The following ITGB5 variants were observed in gnomAD, a reference collection of about 807,000 sequenced individuals.
ITGB5 encodes the protein integrin subunit beta 5, also known as integrin beta-5.
ITGB5 carries 38 observed loss-of-function variants against 84.8 expected under a neutral mutation model. The observed-to-expected ratio is 0.45, with a 90% CI of 0.35 to 0.59. The LOEUF is 0.59. Ranked by LOEUF, ITGB5 falls within the 20% of genes least tolerant of loss-of-function variation. The probability of loss-of-function intolerance (pLI) is 0.01; values close to 1 mark genes in which losing one functional copy is unlikely to be tolerated. For synonymous variants in ITGB5, 393 were observed against 414.4 expected, an observed-to-expected ratio of 0.95 and a Z score of 0.63; for missense variants, 905 against 1,034.5, an observed-to-expected ratio of 0.87 and a Z score of 1.72.
intron 9 of ITGB5, among the ~76,000 whole-genome samples, chr3:124,806,371 T>C (rs1393677154): frequency 6.6e-6 from 1 of 151,756 alleles, no homozygotes; most frequent in Non-Finnish European, 1.5e-5. Context: ...CCCACAGATC[T>C]ATAGAATTCA....
intron 6 of ITGB5, 68 bp downstream of exon 6, chr3:124,821,245 G>A (rs1290232759): frequency 6.6e-7 from 1 of 1,524,918 alleles, no homozygotes; most frequent in Admixed American, 2.0e-5. Context: ...GGCTGGGCAA[G>A]TACTAAGACC....
intron 1 of ITGB5, among the ~76,000 whole-genome samples, chr3:124,876,062 T>C (rs1443641938): frequency 6.6e-6 from 1 of 152,218 alleles, no homozygotes. Context: ...GAATAAGTTC[T>C]GGAGATCTAT....
intron 2 of ITGB5, among the ~76,000 whole-genome samples, chr3:124,871,584 G>C (rs1934054546): frequency 6.6e-6 from 1 of 152,174 alleles, no homozygotes; most frequent in Admixed American, 6.5e-5. Context: ...CCAGCACTTT[G>C]GGAGGCCAAG....
In ITGB5 at chr3:124,773,813, T is replaced by C; in HGVS notation, c.1793A>G (p.Asp598Gly). 2 of 1,614,044 alleles carry C rather than the reference T, an allele frequency of 1.2e-6. No individual in the cohort carries two copies. The highest frequency in any genetic ancestry group is 2.2e-5 in the South Asian group (2 of 91,080). ...CCCACGCTCGCTGCAGATCTGGCCA[T>C]CTCTGCCCCGGCATGTGCTGATGTC... ...STDISTCRGR[D>G]GQICSERGHC... Residue 598 changes from aspartate to glycine, a missense_variant, in exon 11 of 15, where the codon GAT (aspartate) becomes GGT (glycine). Around this residue, in one of 3 missense-constraint regions of ITGB5, gnomAD observed 116 missense variants for 177.0 expected, o/e 0.66. Coordinates refer to ENST00000296181, the MANE Select transcript of ITGB5 (RefSeq NM_002213.5).
At chr3:124,809,641 C>T (rs6798233) in intron 8 of ITGB5, among the ~76,000 whole-genome samples, 13,355 of 152,028 alleles carry the variant, frequency 0.088, 1,256 homozygotes, top group African/African-American at 0.23. Flanking sequence ...TCAGCAGGCA[C>T]TTTCTCCAGG....
intron 1 of ITGB5, among the ~76,000 whole-genome samples, chr3:124,895,776 T>G (rs559692135): frequency 6.6e-6 from 1 of 152,290 alleles, no homozygotes; most frequent in South Asian, 2.1e-4. Context: ...GCCCCTTTTG[T>G]AGAATACGGC....
At chr3:124,874,251 T>G (rs1298933855) in intron 1 of ITGB5, among the ~76,000 whole-genome samples, 1 of 138,410 alleles carries the variant, frequency 7.2e-6, no homozygotes, top group Non-Finnish European at 1.5e-5. Context: ...TGAGCCATGA[T>G]CGTACCACTG....
At position 124,764,392 on chromosome 3, in the gene ITGB5, AT is replaced by A; in HGVS notation, c.2302del (p.Met768TrpfsTer64). 6.2e-7 allele frequency: 1 copy of A among 1,602,590 alleles called. No homozygotes were observed. On this transcript the variant is annotated frameshift_variant and splice_region_variant, in exon 14 of 15. Coordinates refer to ENST00000296181, the MANE Select transcript of ITGB5 (RefSeq NM_002213.5). LOFTEE classifies it high-confidence loss of function. Reference protein sequence around the residue: ...QSERSRARYEMASNPLYRKPI... With the variant: ...QSERSRARYEXASNPLYRKPI... ...GCTTCCCATTTCCCACGTGCTTACC[AT>A]TTCATAGCGGGCCCTGGATCGCTCG...
Position 124,763,719 on chromosome 3 carries a change from C to G in ITGB5, c.2305-1G>C. 6.4e-7 allele frequency: 1 copy of G among 1,573,470 alleles called. No homozygotes were observed. Among genetic ancestry groups the G allele is most frequent in the Non-Finnish European group, 8.7e-7 (1 of 1,143,098 alleles). On this transcript the variant is annotated splice_acceptor_variant, in intron 14 of 14. Coordinates refer to ENST00000296181, the MANE Select transcript of ITGB5 (RefSeq NM_002213.5). LOFTEE classifies it high-confidence loss of function. Reference sequence around the variant, plus strand: ...GCTTTCTGTATAATGGATTTGAAGCCTACAGAACACGGCGGGGAAGAGGAT... The same window carrying G: ...GCTTTCTGTATAATGGATTTGAAGCGTACAGAACACGGCGGGGAAGAGGAT...
chr3:124,899,584 G>A (rs979934468), intron 1 of ITGB5, among the ~76,000 whole-genome samples: 1 of 152,062 alleles, frequency 6.6e-6, no homozygotes, highest in Admixed American at 6.5e-5. Context: ...GCCAGGCATG[G>A]TGGCTCACAC....
chr3:124,870,873 G>A (rs187756018), intron 2 of ITGB5, among the ~76,000 whole-genome samples: 1 of 152,140 alleles, frequency 6.6e-6, no homozygotes. Context: ...TTATGGAGTA[G>A]ATGAGGTTAA....
rs994468976 is a variant in ITGB5, at chr3:124,823,526, T to C, written c.781-2052A>G. On this transcript the variant is annotated intron_variant, in intron 5 of 14. Transcript: ENST00000296181. ...GTAGGAGTTGGAATAGTGGTTCTCC[T>C]TGCTGTCAGGATTGGAAGGGGTCAC... Among the ~76,000 whole-genome samples, 3 of 151,492 alleles carry C rather than the reference T, an allele frequency of 2.0e-5. No homozygotes were observed. The South Asian group carries it at 6.2e-4, about 31-fold the overall frequency.
At chr3:124,814,205 T>C (rs2064549294) in intron 8 of ITGB5, among the ~76,000 whole-genome samples, 1 of 152,114 alleles carries the variant, frequency 6.6e-6, no homozygotes, top group African/African-American at 2.4e-5. Context: ...ACCCCTGACA[T>C]GGCTTTGACC....
intron 1 of ITGB5, among the ~76,000 whole-genome samples, chr3:124,900,002 A>G (rs1047988879): frequency 1.3e-5 from 2 of 152,084 alleles, no homozygotes; most frequent in Admixed American, 6.6e-5. Context: ...CACTTTTGGT[A>G]ATAAAGGCCA....
intron 12 of ITGB5, 119 bp downstream of exon 12, chr3:124,768,894 G>C: frequency 1.5e-6 from 1 of 670,090 alleles, no homozygotes; most frequent in South Asian, 1.9e-5. Context: ...GGTCCTCATG[G>C]GGAGCCCACA....
intron 1 of ITGB5, among the ~76,000 whole-genome samples, chr3:124,892,692 A>G (rs1175334740): frequency 5.4e-5 from 1 of 18,410 alleles, no homozygotes; most frequent in Non-Finnish European, 9.3e-5. Flanking sequence ...GAGACTCTGT[A>G]AAAAAAAAAA....
At chr3:124,799,605 C>T (rs1007266765) in intron 9 of ITGB5, among the ~76,000 whole-genome samples, 19 of 152,130 alleles carry the variant, frequency 1.2e-4, no homozygotes, top group Non-Finnish European at 2.6e-4. Flanking sequence ...TTATTAGTTG[C>T]CAAGTGCCTA....
chr3:124,795,353 G>A (rs2064206914), intron 10 of ITGB5, among the ~76,000 whole-genome samples: 1 of 152,078 alleles, frequency 6.6e-6, no homozygotes, highest in African/African-American at 2.4e-5. Context: ...GCCGAGTGTG[G>A]TGGCGGGCGC....
rs565781673 is a variant in ITGB5 at position 124,866,915 on chromosome 3, G to A, written c.156+6531C>T. ...TTCACTGAACAAATATTTATGAAGT[G>A]TCTACAACAGGCCAATATTATTTCT... On this transcript the variant is annotated intron_variant, in intron 2 of 14. Transcript: ENST00000296181. Among the ~76,000 whole-genome samples the A allele has an allele frequency of 2.6e-5, 4 of 152,340 alleles. 1 individual carries two copies. The highest frequency in any genetic ancestry group is 5.9e-5 in the Non-Finnish European group (4 of 68,030).
Sources: gnomAD v4.1 joint callset for allele counts (sites outside exome capture counted in the v4.1 genomes callset) on GRCh38, gnomAD v4.1.1 for gene constraint, gnomAD v4.1.1 regional missense constraint, MANE v1.5 for transcripts, NCBI Gene and HGNC (gene_info 2026-07-23, HGNC 2026-07-21) for gene names.